DEF6: variants seen among roughly 807,000 people sequenced by gnomAD.
DEF6 encodes the protein DEF6 guanine nucleotide exchange factor.
A neutral mutation model predicts 80.5 loss-of-function variants in DEF6; 32 were observed. The observed-to-expected ratio is 0.40, with a 90% confidence interval of 0.30 to 0.53. The LOEUF is 0.53. DEF6 is among the 20% of genes least tolerant of loss of function. The pLI is 0.57. For missense variants in DEF6, 575 were observed against 818.7 expected (o/e 0.70, Z 3.63); for synonymous variants, 300 against 337.9 (o/e 0.89, Z 1.23).
intron 3 of DEF6, 86 bp downstream of exon 3, chr6:35,310,730 C>G (rs1359010325): frequency 8.2e-6 from 11 of 1,349,050 alleles, no homozygotes; most frequent in African/African-American, 4.3e-5. Flanking sequence ...ACCTTTGGTG[C>G]CTTCCCATAT....
intron 1 of DEF6, among the ~76,000 whole-genome samples, chr6:35,299,289 C>T (rs1300086292): frequency 2.0e-5 from 3 of 152,128 alleles, no homozygotes; most frequent in Admixed American, 6.5e-5. Flanking sequence ...GGAAAAAAGT[C>T]GATCATCCAA....
At chr6:35,301,399 CTT>C (rs1299415504) in intron 1 of DEF6, among the ~76,000 whole-genome samples, 1 of 152,200 alleles carries the variant, frequency 6.6e-6, no homozygotes, top group Non-Finnish European at 1.5e-5. Flanking sequence ...ATCTGGGTGA[CTT>C]TAAGCAAGTC....
chr6:35,317,745 A>T, intron 5 of DEF6, 146 bp from the exon 6 acceptor site: 7 of 600,566 alleles, frequency 1.2e-5, no homozygotes, highest in Non-Finnish European at 1.1e-5. Flanking sequence ...ATAACTTATG[A>T]TGCAAGCCAT....
chr6:35,321,012 G>A (rs1007899112), intron 10 of DEF6, 38 bp downstream of exon 10: 6 of 1,607,668 alleles, frequency 3.7e-6, no homozygotes, highest in East Asian at 2.2e-5. Flanking sequence ...CCCTGGAGCT[G>A]GGAGGGAGAA....
At position 35,319,452 on chromosome 6, in the gene DEF6, CA is replaced by C. The variant is rs1389346413; in HGVS notation, c.1216-71del. ...CCCCTAGGCAGCTTAGCAACATGCC[CA>C]CCCCCTCCTCCTCCGCCCCCACGTG... On this transcript the variant is annotated intron_variant, in intron 7 of 10. Transcript: ENST00000316637. This position sits in a 1 kb window ranked among gnomAD's most constrained non-coding sequence, Gnocchi z 4.5. 2 of 1,160,774 alleles carry C rather than the reference CA, an allele frequency of 1.7e-6. No homozygotes were observed. Among genetic ancestry groups the C allele is most frequent in the East Asian group, 2.4e-5 (1 of 41,442 alleles). The allele number at this position is 1,160,774 out of a possible 1,614,324, so 71.9% of individuals were successfully genotyped here.
Position 35,321,246 on chromosome 6 carries a change from C to A in DEF6, c.1732C>A (p.Arg578Ser), listed in dbSNP as rs575437972. The change falls in exon 11 of 11, where the codon CGT becomes AGT. Residue 578 changes from arginine (R) to serine (S), a missense_variant. Physicochemically the swap from Arg to Ser is moderately radical, Grantham distance 110. Coordinates refer to ENST00000316637, the MANE Select transcript of DEF6 (RefSeq NM_022047.4). ...CTTCCAGCCCCCTCTGCTTGCCCAC[C>A]GTGACTCCTCCCTAAAGCGCCTGAC... Reference protein sequence around the residue: ...SGFQPPLLAHRDSSLKRLTRW... With the variant: ...SGFQPPLLAHSDSSLKRLTRW... 6.2e-7 allele frequency: 1 copy of A among 1,613,618 alleles called. No homozygotes were observed. The highest frequency in any genetic ancestry group is 1.7e-5 in the Admixed American group (1 of 59,992).
At chr6:35,305,698 C>A (rs1791380219) in intron 1 of DEF6, among the ~76,000 whole-genome samples, 2 of 151,932 alleles carry the variant, frequency 1.3e-5, no homozygotes, top group South Asian at 4.2e-4. Flanking sequence ...CTCAGCCTCC[C>A]TGTAACTGGG....
chr6:35,318,032 G>T lies in DEF6; in HGVS notation c.916+33G>T. 6.3e-7 allele frequency: 1 copy of T among 1,594,204 alleles called. No homozygotes were observed. The highest frequency in any genetic ancestry group is 8.6e-7 in the Non-Finnish European group (1 of 1,169,524). On this transcript the variant is annotated intron_variant, in intron 6 of 10. Transcript: ENST00000316637. The surrounding 1 kb of genome is among the most constrained non-coding windows in gnomAD (Gnocchi z 5.1). ...CTCGCTAGGTGGCTTGGGTCTGGGT[G>T]GTCCTTAGGCGCCTCATCTGTGAAA... is the stretch of plus-strand genomic sequence containing the variant.
At chr6:35,303,098 T>TCGGCCCAGCTCTCTGGAGAGCTGAGAG (rs1791337823) in intron 1 of DEF6, among the ~76,000 whole-genome samples, 1 of 152,072 alleles carries the variant, frequency 6.6e-6, no homozygotes, top group Non-Finnish European at 1.5e-5. Flanking sequence ...AAGCTGACAG[T>TCGGCCCAGCTCTCTGGAGAGCTGAGAG]CTGAGGTCGG....
intron 1 of DEF6, among the ~76,000 whole-genome samples, chr6:35,303,288 C>T (rs574512796): frequency 6.6e-6 from 1 of 152,290 alleles, no homozygotes; most frequent in South Asian, 2.1e-4. Flanking sequence ...GCTCAAATAA[C>T]TGTGCTGTTA....
At position 35,312,302 on chromosome 6, in the gene DEF6, G is replaced by A; in HGVS notation, c.424G>A (p.Val142Met). Residue 142 changes from valine to methionine, a missense_variant and splice_region_variant, in exon 4 of 11, where the codon GTG becomes ATG. Physicochemically the swap from Val to Met is conservative, Grantham distance 21. Coordinates refer to ENST00000316637, the MANE Select transcript of DEF6 (RefSeq NM_022047.4). The surrounding 1 kb of genome is among the most constrained non-coding windows in gnomAD (Gnocchi z 6.6). ...KYPLIMVPDE[V>M]EYLLKKVLSS... ...CCAGGCCTTCCTTCTCCTGCTCCAG[G>A]TGGAATACCTGCTGAAAAAGGTACT... 6.2e-7 allele frequency: 1 copy of A among 1,613,446 alleles called. No homozygotes were observed. The highest frequency in any genetic ancestry group is 8.5e-7 in the Non-Finnish European group (1 of 1,179,616).
In DEF6 at chr6:35,312,298, C is replaced by T. The variant is rs370895388; in HGVS notation, c.424-4C>T. On this transcript the variant is annotated splice_polypyrimidine_tract_variant and splice_region_variant and intron_variant, in intron 3 of 10. Coordinates refer to ENST00000316637, the MANE Select transcript of DEF6 (RefSeq NM_022047.4). This position sits in a 1 kb window ranked among gnomAD's most constrained non-coding sequence, Gnocchi z 6.6. Reference sequence around the variant, plus strand: ...GCTACCAGGCCTTCCTTCTCCTGCTCCAGGTGGAATACCTGCTGAAAAAGG... The same window carrying T: ...GCTACCAGGCCTTCCTTCTCCTGCTTCAGGTGGAATACCTGCTGAAAAAGG... 1.9e-5 allele frequency: 30 copies of T among 1,612,604 alleles called. No individual in the cohort carries two copies. In the African/African-American group the frequency reaches 3.5e-4, roughly 19 times the overall value.
At chr6:35,299,081 C>T (rs1791279759) in intron 1 of DEF6, among the ~76,000 whole-genome samples, 1 of 152,158 alleles carries the variant, frequency 6.6e-6, no homozygotes, top group African/African-American at 2.4e-5. Context: ...ACTTGAATAT[C>T]CCAAACTGGT....
Position 35,318,696 on chromosome 6 carries a change from G to T in DEF6, c.1215+225G>T, listed in dbSNP as rs1310130846. Among the ~76,000 whole-genome samples, 1 of 152,162 alleles carries T rather than the reference G, an allele frequency of 6.6e-6. No individual in the cohort carries two copies. Among genetic ancestry groups the T allele is most frequent in the East Asian group, 1.9e-4 (1 of 5,182 alleles). ...GGACAGAACCTGGGGCTAGGAAAGG[G>T]GTGTGGGGCGAGGTCCGAGCCCGTG... On this transcript the variant is annotated intron_variant, in intron 7 of 10. Transcript: ENST00000316637. The surrounding 1 kb of genome is among the most constrained non-coding windows in gnomAD (Gnocchi z 5.1).
Position 35,321,373 on chromosome 6 carries a change from C to T in DEF6, c.1859C>T (p.Pro620Leu). ...GAGGCTCCTGCCCCGGCTTCCACCC[C>T]TCAGGAAGATAAACTGGATCCAGCA... ...GDEAPAPAST[P>L]QEDKLDPAPE... Residue 620 changes from proline (P) to leucine (L), a missense_variant, in exon 11 of 11, where the codon CCT (proline) becomes CTT (leucine). By Grantham distance (98) the Pro-to-Leu change is moderately conservative. Transcript: ENST00000316637. 2 of 1,614,104 alleles carry T rather than the reference C, an allele frequency of 1.2e-6. No homozygotes were observed. Among genetic ancestry groups the T allele is most frequent in the South Asian group, 1.1e-5 (1 of 91,086 alleles).
Position 35,318,487 on chromosome 6 carries a change from G to C in DEF6, c.1215+16G>C. The C allele has an allele frequency of 7.2e-7, 1 of 1,383,434 alleles. No individual in the cohort carries two copies. Among genetic ancestry groups the C allele is most frequent in the Non-Finnish European group, 9.3e-7 (1 of 1,077,324 alleles). The allele number at this position is 1,383,434 out of a possible 1,614,324, so 85.7% of individuals were successfully genotyped here. A position where few individuals can be genotyped will look rare whatever the true frequency, so the allele number is the denominator to read the frequency against. On this transcript the variant is annotated intron_variant, in intron 7 of 10. Transcript: ENST00000316637. This position sits in a 1 kb window ranked among gnomAD's most constrained non-coding sequence, Gnocchi z 5.1. ...GGCGGAGCAGGTGGGGTTAGCTCCC[G>C]GCGCCGGGGACGGGACCGGTGGGCT...
chr6:35,316,901 C>T (rs921959473), intron 5 of DEF6, among the ~76,000 whole-genome samples: 2 of 152,206 alleles, frequency 1.3e-5, no homozygotes, highest in African/African-American at 2.4e-5. Flanking sequence ...TCCTAGTATC[C>T]TCTATTCTGC....
intron 1 of DEF6, among the ~76,000 whole-genome samples, chr6:35,308,596 C>T (rs758241256): frequency 1.3e-4 from 19 of 151,580 alleles, no homozygotes; most frequent in Non-Finnish European, 2.4e-4. Context: ...TCACTTGAAC[C>T]CAGGAGGTGG....
At position 35,312,409 on chromosome 6, in the gene DEF6, G is replaced by T. The variant is rs746197755; in HGVS notation, c.531G>T (p.Gly177=). Residue 177 remains glycine (G), a synonymous_variant, in exon 4 of 11, where the codon GGG becomes GGT. Coordinates refer to ENST00000316637, the MANE Select transcript of DEF6 (RefSeq NM_022047.4). The surrounding 1 kb of genome is among the most constrained non-coding windows in gnomAD (Gnocchi z 6.6). ...AQEAQVAQTT[G]GLSVWQFLEL... ...AGGCCCAGGTGGCCCAGACCACCGG[G>T]GGGCTCAGCGTCTGGCAGTTCCTGG... 4 of 1,614,052 alleles carry T rather than the reference G, an allele frequency of 2.5e-6. No individual in the cohort carries two copies. In the African/African-American group the frequency reaches 5.3e-5, roughly 22 times the overall value.
Sources: gnomAD v4.1 joint callset for allele counts (sites outside exome capture counted in the v4.1 genomes callset) on GRCh38, gnomAD v4.1.1 for gene constraint, Gnocchi (gnomAD v3.1) non-coding constraint, MANE v1.5 for transcripts, NCBI Gene and HGNC (gene_info 2026-07-23, HGNC 2026-07-21) for gene names.